Variants in SHC3 observed in about 807,000 individuals in gnomAD.
SHC3 encodes the protein SHC adaptor protein 3, also known as SHC-transforming protein 3.
In SHC3, 15 loss-of-function variants were observed where a neutral mutation model predicts 60.4. That is an observed-to-expected ratio of 0.25 (90% CI 0.17 to 0.38). The LOEUF (loss-of-function observed/expected upper bound fraction) is 0.38, where lower values mean the gene tolerates loss of function less well. Ranked by LOEUF, SHC3 falls within the 10% of genes least tolerant of loss-of-function variation. The probability of loss-of-function intolerance (pLI) is 1.00; values close to 1 mark genes in which losing one functional copy is unlikely to be tolerated. For missense variants in SHC3, 677 were observed against 786.1 expected (o/e 0.86, Z 1.66); for synonymous variants, 294 against 325.9 (o/e 0.90, Z 1.05).
At position 89,066,683 on chromosome 9, in the gene SHC3, A is replaced by G. The variant is rs1825188217; in HGVS notation, c.784-1103T>C. On this transcript the variant is annotated intron_variant, in intron 5 of 11. Transcript: ENST00000375835. Reference sequence around the variant, plus strand: ...CCTCATTTTGGCAGACATTTCCCATATGTCATTGCTTTGAAGGGCTTCCAG... The same window carrying G: ...CCTCATTTTGGCAGACATTTCCCATGTGTCATTGCTTTGAAGGGCTTCCAG... Among the ~76,000 whole-genome samples, 6 of 152,280 alleles carry G rather than the reference A, an allele frequency of 3.9e-5. No individual in the cohort carries two copies. The South Asian group carries it at 1.2e-3, about 32-fold the overall frequency.
chr9:89,020,919 G>A (rs1826191160), intron 11 of SHC3, among the ~76,000 whole-genome samples: 1 of 152,166 alleles, frequency 6.6e-6, no homozygotes, highest in Non-Finnish European at 1.5e-5. Context: ...GGATGCAGGG[G>A]AGAGCCTCCT....
chr9:89,111,628 A>G (rs2118110697), intron 2 of SHC3, among the ~76,000 whole-genome samples: 1 of 152,076 alleles, frequency 6.6e-6, no homozygotes, highest in East Asian at 1.9e-4. Flanking sequence ...GAATTTCTTC[A>G]GTGAGGAGGA....
intron 11 of SHC3, among the ~76,000 whole-genome samples, chr9:89,029,279 G>A (rs1289632080): frequency 6.6e-6 from 1 of 151,880 alleles, no homozygotes; most frequent in African/African-American, 2.4e-5. Flanking sequence ...CAGAATGAAA[G>A]TGTTCATCAA....
At chr9:89,122,216 C>A (rs1419419956) in intron 1 of SHC3, among the ~76,000 whole-genome samples, 1 of 152,196 alleles carries the variant, frequency 6.6e-6, no homozygotes, top group Non-Finnish European at 1.5e-5. Context: ...AACAGCAATA[C>A]CATTGCATAA....
At chr9:89,166,590 G>A (rs947984401) in intron 1 of SHC3, among the ~76,000 whole-genome samples, 9 of 152,182 alleles carry the variant, frequency 5.9e-5, no homozygotes, top group South Asian at 2.1e-4. Flanking sequence ...GAGGTCAGGC[G>A]GCAAAAGAAT....
chr9:89,176,066 T>C (rs1826938374), intron 1 of SHC3, among the ~76,000 whole-genome samples: 1 of 152,220 alleles, frequency 6.6e-6, no homozygotes, highest in Non-Finnish European at 1.5e-5. Flanking sequence ...TGGCTGCTAA[T>C]GAACAAGGAA....
At position 89,008,918 on chromosome 9, in the gene SHC3, C is replaced by T. The variant is rs1016909732; in HGVS notation, c.*4529G>A. On this transcript the variant is annotated 3_prime_UTR_variant, in exon 12 of 12. Transcript: ENST00000375835. ...TCAAATAAACTACATAACCTCAAGT[C>T]CTCTCTCAGGGTCTCCTTCTGGAGG... is the stretch of plus-strand genomic sequence containing the variant. The T allele has an allele frequency of 3.3e-5, 5 of 152,226 alleles. No individual in the cohort carries two copies. Among genetic ancestry groups the T allele is most frequent in the Admixed American group, 1.3e-4 (2 of 15,286 alleles). 9.4% of individuals were successfully genotyped at this position (152,226 alleles called of 1,614,324 possible). A position where few individuals can be genotyped will look rare whatever the true frequency, so the allele number is the denominator to read the frequency against.
intron 6 of SHC3, among the ~76,000 whole-genome samples, chr9:89,060,132 G>A (rs1026711049): frequency 6.9e-5 from 10 of 145,886 alleles, no homozygotes; most frequent in African/African-American, 2.3e-4. Flanking sequence ...GGTGTAGGAC[G>A]TGGTGGAGGG....
chr9:89,048,168 C>T (rs962119443), intron 7 of SHC3, among the ~76,000 whole-genome samples: 4 of 149,874 alleles, frequency 2.7e-5, no homozygotes, highest in African/African-American at 2.4e-5. Flanking sequence ...TGCTTGAACC[C>T]GGGAGGTGGA....
chr9:89,066,634 T>C (rs6559338), intron 5 of SHC3, among the ~76,000 whole-genome samples: 140,977 of 152,090 alleles, frequency 0.93, 65,471 homozygotes, highest in East Asian at 0.98. Context: ...TTCAAGACTC[T>C]GTGGGGCAAC....
chr9:89,098,428 G>A (rs911531953), intron 2 of SHC3, among the ~76,000 whole-genome samples: 1 of 152,192 alleles, frequency 6.6e-6, no homozygotes, highest in African/African-American at 2.4e-5. Flanking sequence ...TGAGTATGTA[G>A]GAAAATAACA....
chr9:89,046,531 A>G (rs947115336), intron 8 of SHC3, among the ~76,000 whole-genome samples: 1 of 152,212 alleles, frequency 6.6e-6, no homozygotes, highest in East Asian at 1.9e-4. Context: ...GCCTTTTTAA[A>G]ATCTTAAATT....
intron 11 of SHC3, among the ~76,000 whole-genome samples, chr9:89,026,008 C>A (rs1826291185): frequency 6.6e-6 from 1 of 152,112 alleles, no homozygotes; most frequent in South Asian, 2.1e-4. Flanking sequence ...CTTTGGGAGG[C>A]CAAGGCAGGC....
At chr9:89,044,255 C>A (rs989330441) in intron 9 of SHC3, among the ~76,000 whole-genome samples, 6 of 152,120 alleles carry the variant, frequency 3.9e-5, no homozygotes, top group Non-Finnish European at 8.8e-5. Context: ...ATGAAAATGT[C>A]CCTCTGGCAA....
chr9:89,015,626 G>C (rs1206032089), intron 11 of SHC3, among the ~76,000 whole-genome samples: 1 of 152,230 alleles, frequency 6.6e-6, no homozygotes, highest in African/African-American at 2.4e-5. Flanking sequence ...ACTCAAGTCT[G>C]GCTTCTGCCC....
intron 1 of SHC3, among the ~76,000 whole-genome samples, chr9:89,149,691 T>C (rs953348043): frequency 1.1e-4 from 16 of 152,236 alleles, no homozygotes; most frequent in African/African-American, 3.6e-4. Context: ...GCCATAAATA[T>C]TCACCTTTTA....
In SHC3 at chr9:89,027,442, G is replaced by A. The variant is rs532580413; in HGVS notation, c.1656+10551C>T. Among the ~76,000 whole-genome samples, 269 of 150,778 alleles carry A rather than the reference G, an allele frequency of 1.8e-3. 1 individual carries two copies. Among genetic ancestry groups the A allele is most frequent in the African/African-American group, 5.6e-3 (228 of 40,928 alleles). ...TCACGCCATTCTGCCTCAGCCTCCC[G>A]AGTAGCTGGGACTACAGGCACCTGC... On this transcript the variant is annotated intron_variant, in intron 11 of 11. Transcript: ENST00000375835.
chr9:89,047,080 A>C, intron 7 of SHC3, 86 bp from the exon 8 acceptor site: 1 of 1,397,342 alleles, frequency 7.2e-7, no homozygotes, highest in African/African-American at 1.4e-5. Flanking sequence ...GCCTGTTATT[A>C]AGAAAAGAGA....
chr9:89,101,619 A>ATAT (rs1825784259), intron 2 of SHC3, among the ~76,000 whole-genome samples: 1 of 150,268 alleles, frequency 6.7e-6, no homozygotes, highest in Non-Finnish European at 1.5e-5. Flanking sequence ...ATATATATAT[A>ATAT]TTTTTTTTAA....
Sources: allele counts gnomAD v4.1 joint callset (sites outside exome capture counted in the v4.1 genomes callset), GRCh38; gene constraint gnomAD v4.1.1; transcripts MANE v1.5; gene names NCBI Gene and HGNC (gene_info 2026-07-23, HGNC 2026-07-21).